Variants in HGD observed in about 807,000 individuals in gnomAD.
HGD encodes the protein homogentisate 1,2-dioxygenase.
In HGD, 61 loss-of-function variants were observed where a neutral mutation model predicts 60.8. The observed-to-expected ratio is 1.00, with a 90% confidence interval of 0.82 to 1.24. The LOEUF is 1.24. HGD is among the 50% of genes most tolerant of loss of function. The pLI is 0.00. For missense variants in HGD, 542 were observed against 547.1 expected (o/e 0.99, Z 0.09); for synonymous variants, 212 against 187.7 (o/e 1.13, Z -1.06).
intron 10 of HGD, among the ~76,000 whole-genome samples, chr3:120,642,674 A>G (rs971764255): frequency 2.6e-5 from 4 of 152,238 alleles, no homozygotes; most frequent in Non-Finnish European, 5.9e-5. Context: ...AGTCACTATG[A>G]ATCAGCTCCA....
At chr3:120,668,875 G>A (rs1275444382) in intron 4 of HGD, among the ~76,000 whole-genome samples, 2 of 152,092 alleles carry the variant, frequency 1.3e-5, no homozygotes, top group African/African-American at 4.8e-5. Context: ...TCAGCAACAT[G>A]TACCTAAACT....
At position 120,633,311 on chromosome 3, in the gene HGD, A is replaced by G; in HGVS notation, c.1024T>C (p.Phe342Leu). Residue 342 changes from phenylalanine (F) to leucine (L), a missense_variant, in exon 13 of 14, where the codon TTC becomes CTC. Physicochemically the swap from Phe to Leu is conservative, Grantham distance 22. This residue lies in a region of HGD where 537 missense variants were observed against 529.1 expected (regional missense o/e 1.01). Transcript: ENST00000283871. ...TAGTGACCTCGGATGAGTCCCATGA[A>G]CTCACTCATGCAGTTCCCTGGGAAG... ...PYYHRNCMSE[F>L]MGLIRGHYEA... 2 of 1,614,112 alleles carry G rather than the reference A, an allele frequency of 1.2e-6. No individual in the cohort carries two copies. The highest frequency in any genetic ancestry group is 1.7e-6 in the Non-Finnish European group (2 of 1,180,018).
At chr3:120,642,718 G>A (rs748503716) in intron 10 of HGD, among the ~76,000 whole-genome samples, 2 of 152,198 alleles carry the variant, frequency 1.3e-5, no homozygotes, top group Non-Finnish European at 2.9e-5. Flanking sequence ...AGGAACTGAG[G>A]TCATATGGGG....
intron 4 of HGD, among the ~76,000 whole-genome samples, chr3:120,660,344 G>C (rs937487336): frequency 1.8e-4 from 27 of 152,326 alleles, no homozygotes; most frequent in African/African-American, 6.0e-4. Context: ...GACTAAGAAA[G>C]ATAGGAAGGA....
chr3:120,635,783 TTG>T (rs1283972712), intron 12 of HGD, among the ~76,000 whole-genome samples: 1 of 152,138 alleles, frequency 6.6e-6, no homozygotes, highest in African/African-American at 2.4e-5. Context: ...TCAAGATTAT[TTG>T]TGTCAGCAAG....
Position 120,638,577 on chromosome 3 carries a change from G to A in HGD, c.884C>T (p.Pro295Leu). The A allele has an allele frequency of 6.2e-7, 1 of 1,613,872 alleles. No homozygotes were observed. Among genetic ancestry groups the A allele is most frequent in the Non-Finnish European group, 8.5e-7 (1 of 1,179,918 alleles). Residue 295 changes from proline (P) to leucine (L), a missense_variant, in exon 12 of 14, where the codon CCA becomes CTA. Pro to Leu is a moderately conservative substitution (Grantham distance 98, BLOSUM62 -3). Around this residue, in one of 2 missense-constraint regions of HGD, gnomAD observed 537 missense variants for 529.1 expected, o/e 1.01. Coordinates refer to ENST00000283871, the MANE Select transcript of HGD (RefSeq NM_000187.4). ...INSVAFDHAD[P>L]SIFTVLTAKS... ...AGCAGTCAATACTGTGAAAATGGATGGGTCCTGTGAACACACAAGGAGAGA... is the reference window on the plus strand; with the variant it reads ...AGCAGTCAATACTGTGAAAATGGATAGGTCCTGTGAACACACAAGGAGAGA...
At chr3:120,659,200 C>T (rs932615219) in intron 4 of HGD, among the ~76,000 whole-genome samples, 3 of 152,242 alleles carry the variant, frequency 2.0e-5, no homozygotes, top group Non-Finnish European at 4.4e-5. Flanking sequence ...CTAACTTTTA[C>T]ACTCTACTTC....
intron 10 of HGD, 94 bp downstream of exon 10, chr3:120,644,225 G>A: frequency 1.4e-6 from 2 of 1,426,136 alleles, no homozygotes; most frequent in Non-Finnish European, 2.0e-6. Flanking sequence ...ACAACGAAAG[G>A]ATATATGTAA....
Position 120,631,269 on chromosome 3 carries a change from G to A in HGD, c.1188+1878C>T, listed in dbSNP as rs1340335315. Among the ~76,000 whole-genome samples the A allele has an allele frequency of 3.6e-4, 55 of 151,964 alleles. 1 individual carries two copies. The highest frequency in any genetic ancestry group is 3.6e-3 in the Admixed American group (55 of 15,246). On this transcript the variant is annotated intron_variant, in intron 13 of 13. Coordinates refer to ENST00000283871, the MANE Select transcript of HGD (RefSeq NM_000187.4). ...AATAAAGAAATAAAAGAAAAAAAATGAATAAGACCTAGCATTTGATAGCAT... is the reference window on the plus strand; with the variant it reads ...AATAAAGAAATAAAAGAAAAAAAATAAATAAGACCTAGCATTTGATAGCAT...
At chr3:120,647,727 C>A (rs2107513145) in intron 7 of HGD, 150 bp downstream of exon 7, 2 of 732,030 alleles carry the variant, frequency 2.7e-6, no homozygotes, top group South Asian at 1.5e-5. Context: ...TTCCAGACCA[C>A]CTGTGGCCTC....
At chr3:120,674,807 C>T in intron 3 of HGD, 94 bp downstream of exon 3, 1 of 834,878 alleles carries the variant, frequency 1.2e-6, no homozygotes, top group East Asian at 2.5e-5. Context: ...TCTTGGGCAG[C>T]TCTGGGAGGC....
At chr3:120,668,520 G>A (rs1707951220) in intron 4 of HGD, among the ~76,000 whole-genome samples, 1 of 152,110 alleles carries the variant, frequency 6.6e-6, no homozygotes, top group South Asian at 2.1e-4. Flanking sequence ...GTGGCGGGGT[G>A]GGGAGAGAGG....
intron 4 of HGD, among the ~76,000 whole-genome samples, chr3:120,664,212 G>A (rs369098250): frequency 5.9e-5 from 9 of 152,002 alleles, no homozygotes; most frequent in African/African-American, 2.2e-4. Context: ...ATGGTGACAA[G>A]GCATGAAGAG....
chr3:120,653,071 C>T (rs1456284856), intron 4 of HGD, among the ~76,000 whole-genome samples: 1 of 152,144 alleles, frequency 6.6e-6, no homozygotes. Context: ...GTGTGGGCTC[C>T]TGACACTGCA....
At chr3:120,648,058 T>C (rs1452705663) in intron 6 of HGD, 147 bp from the exon 7 acceptor site, 17 of 717,280 alleles carry the variant, frequency 2.4e-5, no homozygotes, top group Non-Finnish European at 3.3e-5. Context: ...GGCTCTGCCC[T>C]TGTGGAACTT....
chr3:120,646,304 A>G lies in HGD; in HGVS notation c.612T>C (p.Tyr204=), dbSNP rs765182260. 5 of 1,613,500 alleles carry G rather than the reference A, an allele frequency of 3.1e-6. No homozygotes were observed. The highest frequency in any genetic ancestry group is 4.2e-6 in the Non-Finnish European group (5 of 1,179,420). ...GGTCAGGTAACTCAAAGTGGACACC[A>G]TAGACCTCCAAGATGTAGCCCCTGG... ...EETRGYILEV[Y]GVHFELPDLG... The change falls in exon 9 of 14, where the codon TAT becomes TAC. Residue 204 remains tyrosine, a synonymous_variant. Coordinates refer to ENST00000283871, the MANE Select transcript of HGD (RefSeq NM_000187.4).
At chr3:120,659,585 T>G (rs1005917678) in intron 4 of HGD, among the ~76,000 whole-genome samples, 2 of 152,218 alleles carry the variant, frequency 1.3e-5, no homozygotes, top group African/African-American at 4.8e-5. Flanking sequence ...TTAACAAGTC[T>G]CTAGGAAGTT....
chr3:120,652,601 GTC>G lies in HGD; in HGVS notation c.331_332del (p.Asp111LeufsTer17), dbSNP rs1350530070. The G allele has an allele frequency of 6.2e-7, 1 of 1,612,342 alleles. No individual in the cohort carries two copies. Among genetic ancestry groups the G allele is most frequent in the Admixed American group, 1.7e-5 (1 of 60,012 alleles). On this transcript the variant is annotated frameshift_variant, in exon 5 of 14. Transcript: ENST00000283871. LOFTEE classifies it high-confidence loss of function. Reference sequence around the variant, plus strand: ...GATGGGACTGACTTACACTCACAAAGTCTACTTTCTTCTGAGATGCTTTTGGA... The same window carrying G: ...GATGGGACTGACTTACACTCACAAAGTACTTTCTTCTGAGATGCTTTTGGA... ...EIPKASQKKVDFVSGLHTLCG... is the reference protein window; with the variant it reads ...EIPKASQKKVXFVSGLHTLCG...
intron 10 of HGD, among the ~76,000 whole-genome samples, chr3:120,643,638 CAAATAGACA>C (rs1488293157): frequency 4.6e-5 from 7 of 152,060 alleles, no homozygotes; most frequent in Non-Finnish European, 8.8e-5. Flanking sequence ...AGGAATAAGT[CAAATAGACA>C]AAATGAAGCA....
Sources: allele counts gnomAD v4.1 joint callset (sites outside exome capture counted in the v4.1 genomes callset), GRCh38; gene constraint gnomAD v4.1.1; regional missense constraint gnomAD v4.1.1; transcripts MANE v1.5; gene names NCBI Gene and HGNC (gene_info 2026-07-23, HGNC 2026-07-21).